Variants in SHC4 observed in about 807,000 individuals in gnomAD.
SHC4 encodes SHC-transforming protein 4.
Under a neutral mutation model 69.4 loss-of-function variants are expected in SHC4, and 41 were observed. The ratio of observed to expected loss-of-function variants is 0.59; its 90% CI spans 0.46 to 0.77. SHC4 has a LOEUF of 0.77. Ranked by LOEUF, SHC4 falls within the 30% of genes least tolerant of loss-of-function variation. SHC4 has a pLI of 0.00. For missense variants in SHC4, 777 were observed against 783.8 expected, an observed-to-expected ratio of 0.99 and a Z score of 0.10; for synonymous variants, 318 against 299.3, an observed-to-expected ratio of 1.06 and a Z score of -0.64.
chr15:48,834,042 T>C (rs77443707), intron 11 of SHC4, among the ~76,000 whole-genome samples: 344 of 152,304 alleles, frequency 2.3e-3, no homozygotes, highest in African/African-American at 8.1e-3. Context: ...TGGGCTTTGA[T>C]TGCATCATTT....
intron 4 of SHC4, chr15:48,877,537 T>G: frequency 9.1e-6 from 9 of 984,166 alleles, no homozygotes; most frequent in Non-Finnish European, 1.1e-5. Flanking sequence ...TACATGTAAA[T>G]GCAAATAAAA....
chr15:48,870,083 C>A (rs28533359), intron 5 of SHC4, among the ~76,000 whole-genome samples: 1 of 152,156 alleles, frequency 6.6e-6, no homozygotes, highest in Non-Finnish European at 1.5e-5. Context: ...TGATGACAAC[C>A]CTTAAGAAAT....
At chr15:48,926,433 C>T (rs563648543) in intron 1 of SHC4, among the ~76,000 whole-genome samples, 4 of 151,938 alleles carry the variant, frequency 2.6e-5, no homozygotes, top group East Asian at 1.9e-4. Flanking sequence ...GGGGCACCTA[C>T]CCAAACACTT....
intron 1 of SHC4, among the ~76,000 whole-genome samples, chr15:48,928,429 C>A (rs1243932857): frequency 6.6e-6 from 1 of 151,944 alleles, no homozygotes; most frequent in Non-Finnish European, 1.5e-5. Flanking sequence ...TATGTTCAGA[C>A]AGAAATGTCT....
intron 1 of SHC4, among the ~76,000 whole-genome samples, chr15:48,925,446 T>C (rs765008897): frequency 2.6e-5 from 4 of 152,162 alleles, no homozygotes; most frequent in Non-Finnish European, 1.5e-5. Flanking sequence ...CAAAAATAAA[T>C]GTGAGATAGA....
At chr15:48,916,559 C>CAAAAAAA (rs35709723) in intron 2 of SHC4, among the ~76,000 whole-genome samples, 20 of 136,866 alleles carry the variant, frequency 1.5e-4, no homozygotes, top group Non-Finnish European at 2.8e-4. Context: ...AGCATCAGTT[C>CAAAAAAA]AAAAAAAAAA....
chr15:48,954,801 AT>A (rs1901417795), intron 1 of SHC4, among the ~76,000 whole-genome samples: 1 of 152,132 alleles, frequency 6.6e-6, no homozygotes, highest in Admixed American at 6.5e-5. Flanking sequence ...ATTGAAATCC[AT>A]TCTCTTCCCT....
chr15:48,871,271 T>C (rs1390727540), intron 5 of SHC4, among the ~76,000 whole-genome samples: 1 of 152,228 alleles, frequency 6.6e-6, no homozygotes, highest in East Asian at 1.9e-4. Flanking sequence ...TTAACCATTA[T>C]GAAAGTCATA....
chr15:48,858,151 T>C (rs1899367957), intron 6 of SHC4, among the ~76,000 whole-genome samples: 1 of 152,058 alleles, frequency 6.6e-6, no homozygotes, highest in Non-Finnish European at 1.5e-5. Context: ...ATATAGATTA[T>C]GCTTAGGGCA....
chr15:48,888,462 G>A (rs1414911146), intron 3 of SHC4, among the ~76,000 whole-genome samples: 2 of 152,160 alleles, frequency 1.3e-5, no homozygotes, highest in African/African-American at 2.4e-5. Flanking sequence ...GGGCCGGGGC[G>A]ATAGGGGACT....
chr15:48,871,005 A>G (rs1014151818), intron 5 of SHC4, among the ~76,000 whole-genome samples: 1 of 152,238 alleles, frequency 6.6e-6, no homozygotes, highest in African/African-American at 2.4e-5. Context: ...TTTAGTTTTT[A>G]GCATCCTCTA....
At chr15:48,856,284 A>C (rs568959277) in intron 7 of SHC4, among the ~76,000 whole-genome samples, 160 bp from the exon 8 acceptor site, 1 of 152,222 alleles carries the variant, frequency 6.6e-6, no homozygotes, top group Non-Finnish European at 1.5e-5. Context: ...GGATGGGAGC[A>C]GTCAGATGGT....
chr15:48,939,983 A>G (rs1942491759), intron 1 of SHC4, among the ~76,000 whole-genome samples: 1 of 152,244 alleles, frequency 6.6e-6, no homozygotes. Flanking sequence ...AGATGCCAAG[A>G]GGCGGCAGCT....
At chr15:48,952,907 C>T (rs1177900484) in intron 1 of SHC4, among the ~76,000 whole-genome samples, 1 of 152,184 alleles carries the variant, frequency 6.6e-6, no homozygotes, top group East Asian at 1.9e-4. Flanking sequence ...CCAGCAATCC[C>T]ATTACTGGGT....
At chr15:48,874,253 A>C (rs747065626) in intron 4 of SHC4, among the ~76,000 whole-genome samples, 2 of 152,100 alleles carry the variant, frequency 1.3e-5, no homozygotes. Flanking sequence ...CTAAAAATAG[A>C]CTCATGTATT....
At chr15:48,854,035 A>C (rs576222499) in intron 8 of SHC4, among the ~76,000 whole-genome samples, 1 of 152,266 alleles carries the variant, frequency 6.6e-6, no homozygotes, top group Non-Finnish European at 1.5e-5. Flanking sequence ...GAGTAAACAG[A>C]CAATCTACAG....
intron 1 of SHC4, among the ~76,000 whole-genome samples, chr15:48,951,212 A>G (rs1332746729): frequency 6.6e-6 from 1 of 152,074 alleles, no homozygotes; most frequent in African/African-American, 2.4e-5. Flanking sequence ...TGAACACAGC[A>G]GGTGTACAAT....
At chr15:48,834,311 CCTT>C (rs1178252729) in intron 11 of SHC4, among the ~76,000 whole-genome samples, 1 of 152,104 alleles carries the variant, frequency 6.6e-6, no homozygotes. Flanking sequence ...CTATAAGAAA[CCTT>C]CTTAGTTTGC....
At chr15:48,938,094 T>A (rs1901106961) in intron 1 of SHC4, 1 of 152,202 alleles carries the variant, frequency 6.6e-6, no homozygotes, top group Non-Finnish European at 1.5e-5. Context: ...GGAATGCTAC[T>A]CTCTGTTGTT....
Sources: allele counts gnomAD v4.1 joint callset (sites outside exome capture counted in the v4.1 genomes callset), GRCh38; gene constraint gnomAD v4.1.1; transcripts MANE v1.5; gene names NCBI Gene and HGNC (gene_info 2026-07-23, HGNC 2026-07-21).